Variants in SKIC3 observed in about 807,000 individuals in gnomAD.
SKIC3 encodes SKI3 subunit of superkiller complex.
the SKIC3 span, chr5:95,527,941 A>G: frequency 1.3e-5 from 20 of 1,544,698 alleles, no homozygotes; most frequent in Non-Finnish European, 1.6e-5. Context: ...ATTTTGTGGT[A>G]GGCAGAGAAT....
the SKIC3 span, among the ~76,000 whole-genome samples, chr5:95,503,496 T>C: frequency 6.6e-6 from 1 of 152,248 alleles, no homozygotes; most frequent in African/African-American, 2.4e-5. Context: ...AATTAACATC[T>C]AAGCAGTGTA....
the SKIC3 span, among the ~76,000 whole-genome samples, chr5:95,480,005 G>A: frequency 6.6e-6 from 1 of 152,130 alleles, no homozygotes; most frequent in African/African-American, 2.4e-5. Context: ...ATTCAATGGG[G>A]ACTGAATAGT....
At chr5:95,513,445 G>T in the SKIC3 span, 1 of 1,020,110 alleles carries the variant, frequency 9.8e-7, no homozygotes. Flanking sequence ...CTCCTGCCTT[G>T]GCATCCCAAA....
At chr5:95,486,484 C>T in the SKIC3 span, among the ~76,000 whole-genome samples, 1 of 152,182 alleles carries the variant, frequency 6.6e-6, no homozygotes, top group Admixed American at 6.5e-5. Flanking sequence ...CACAGTGCAG[C>T]AGCTGCTGCT....
chr5:95,528,423 A>C, the SKIC3 span, among the ~76,000 whole-genome samples: 1 of 152,220 alleles, frequency 6.6e-6, no homozygotes, highest in African/African-American at 2.4e-5. Context: ...GACAATGGCT[A>C]TCTATATTTG....
At chr5:95,485,169 A>G in the SKIC3 span, among the ~76,000 whole-genome samples, 2 of 152,370 alleles carry the variant, frequency 1.3e-5, 1 homozygote, top group East Asian at 3.9e-4. Context: ...AAACTATACA[A>G]TCTGATGATA....
the SKIC3 span, chr5:95,478,216 A>T: frequency 1.0e-5 from 16 of 1,527,516 alleles, no homozygotes; most frequent in South Asian, 1.9e-4. Flanking sequence ...GAATATTACT[A>T]TGTAAAAAGC....
At chr5:95,513,671 T>TA in the SKIC3 span, 1 of 1,593,404 alleles carries the variant, frequency 6.3e-7, no homozygotes. Flanking sequence ...AACAGACTCT[T>TA]AATGTGTTTA....
the SKIC3 span, chr5:95,490,875 A>C: frequency 6.2e-7 from 1 of 1,612,680 alleles, no homozygotes; most frequent in Admixed American, 1.7e-5. Flanking sequence ...AATCTGAATT[A>C]AATCATGTAT....
the SKIC3 span, chr5:95,512,916 A>C: frequency 5.2e-6 from 1 of 192,142 alleles, no homozygotes; most frequent in Non-Finnish European, 1.1e-5. Context: ...AGGTCAGACC[A>C]AAAAAAAAAA....
the SKIC3 span, among the ~76,000 whole-genome samples, chr5:95,530,741 T>C: frequency 2.0e-5 from 3 of 152,224 alleles, no homozygotes; most frequent in Non-Finnish European, 2.9e-5. Context: ...TACCAGTACA[T>C]TTCCACATTT....
the SKIC3 span, chr5:95,528,097 A>G: frequency 1.2e-6 from 2 of 1,613,868 alleles, no homozygotes; most frequent in South Asian, 2.2e-5. Context: ...GAAGACAAAG[A>G]TTCCTCTGAT....
the SKIC3 span, among the ~76,000 whole-genome samples, chr5:95,518,640 T>C: frequency 2.6e-5 from 4 of 152,106 alleles, no homozygotes; most frequent in Non-Finnish European, 5.9e-5. Flanking sequence ...TGATAGCATT[T>C]CATTCTTTTT....
At chr5:95,492,652 G>GAAAAAAAAAAAA in the SKIC3 span, among the ~76,000 whole-genome samples, 100 of 48,820 alleles carry the variant, frequency 2.0e-3, 23 homozygotes, top group South Asian at 2.5e-3. Flanking sequence ...AAAAAAAAAA[G>GAAAAAAAAAAAA]AAAAAAAAAA....
At chr5:95,519,891 T>A in the SKIC3 span, among the ~76,000 whole-genome samples, 1 of 152,038 alleles carries the variant, frequency 6.6e-6, no homozygotes, top group Non-Finnish European at 1.5e-5. Flanking sequence ...ACACAGTAAC[T>A]TTCCCTTTAG....
At chr5:95,528,829 A>G in the SKIC3 span, 2 of 635,130 alleles carry the variant, frequency 3.1e-6, no homozygotes, top group Admixed American at 5.6e-5. Context: ...AAATAAACAC[A>G]CTAGTACACA....
At chr5:95,478,480 A>G in the SKIC3 span, 1 of 1,613,034 alleles carries the variant, frequency 6.2e-7, no homozygotes, top group Non-Finnish European at 8.5e-7. Flanking sequence ...AAAGGATTTT[A>G]GTTTATTATG....
the SKIC3 span, among the ~76,000 whole-genome samples, chr5:95,552,213 C>G: frequency 6.6e-6 from 1 of 152,162 alleles, no homozygotes; most frequent in African/African-American, 2.4e-5. Flanking sequence ...TTCCTCAAGA[C>G]AGCTATCATC....
the SKIC3 span, among the ~76,000 whole-genome samples, chr5:95,549,729 T>C: frequency 6.6e-6 from 1 of 151,960 alleles, no homozygotes; most frequent in African/African-American, 2.4e-5. Flanking sequence ...CCCTAAAAAC[T>C]ACTACTTCCT....
Sources: gnomAD v4.1 joint callset for allele counts (sites outside exome capture counted in the v4.1 genomes callset) on GRCh38, gnomAD v4.1.1 for gene constraint, MANE v1.5 for transcripts, NCBI Gene and HGNC (gene_info 2026-07-23, HGNC 2026-07-21) for gene names.